LRRC4C: variants seen among roughly 807,000 people sequenced by gnomAD.
The protein encoded by LRRC4C is leucine rich repeat containing 4C.
LRRC4C carries 5 observed loss-of-function variants against 33.6 expected under a neutral mutation model. The observed-to-expected ratio is 0.15, with a 90% CI of 0.08 to 0.31. The LOEUF (loss-of-function observed/expected upper bound fraction) is 0.31. Ranked by LOEUF, LRRC4C falls within the 10% of genes least tolerant of loss-of-function variation. The pLI, the probability that LRRC4C is intolerant of heterozygous loss-of-function variation, is 1.00. For missense variants in LRRC4C, 560 were observed against 796.7 expected, an observed-to-expected ratio of 0.70 and a Z score of 3.58; for synonymous variants, 329 against 302.0, an observed-to-expected ratio of 1.09 and a Z score of -0.93.
intron 1 of LRRC4C, among the ~76,000 whole-genome samples, chr11:41,007,942 C>T (rs1023492222): frequency 1.3e-5 from 2 of 152,076 alleles, no homozygotes; most frequent in Admixed American, 1.3e-4. Flanking sequence ...CATCTTGTTA[C>T]TTAAATCCAA....
At chr11:40,798,062 T>C (rs1327438420) in intron 2 of LRRC4C, among the ~76,000 whole-genome samples, 2 of 152,194 alleles carry the variant, frequency 1.3e-5, no homozygotes, top group Non-Finnish European at 2.9e-5. Flanking sequence ...CTGGCAGCTC[T>C]TTGCTCCTAC....
At chr11:41,286,135 T>A (rs1949822023) in intron 1 of LRRC4C, among the ~76,000 whole-genome samples, 1 of 152,270 alleles carries the variant, frequency 6.6e-6, no homozygotes, top group African/African-American at 2.4e-5. Flanking sequence ...GCCTAGTCAA[T>A]CTCTTTTTAA....
chr11:40,847,614 T>C (rs556112635), intron 2 of LRRC4C, among the ~76,000 whole-genome samples: 10 of 152,154 alleles, frequency 6.6e-5, no homozygotes, highest in Admixed American at 2.6e-4. Context: ...TTTTCTTTCT[T>C]TGTTGTGTCT....
intron 1 of LRRC4C, among the ~76,000 whole-genome samples, chr11:41,301,299 G>A (rs955680596): frequency 2.0e-5 from 3 of 152,156 alleles, no homozygotes; most frequent in African/African-American, 7.2e-5. Context: ...TGAAACGTGT[G>A]CTGAAAAAGA....
intron 4 of LRRC4C, among the ~76,000 whole-genome samples, chr11:40,273,333 C>T (rs150890557): frequency 6.6e-6 from 1 of 152,134 alleles, no homozygotes; most frequent in Non-Finnish European, 1.5e-5. Flanking sequence ...ACTAGTAATG[C>T]TGCAGTGGGA....
intron 1 of LRRC4C, among the ~76,000 whole-genome samples, chr11:41,203,195 C>T (rs1266262010): frequency 2.6e-5 from 4 of 152,106 alleles, no homozygotes; most frequent in Non-Finnish European, 5.9e-5. Flanking sequence ...TTTCTTGAGG[C>T]TAGGAAATAG....
chr11:40,679,904 C>A (rs1425156905), intron 2 of LRRC4C, among the ~76,000 whole-genome samples: 1 of 152,108 alleles, frequency 6.6e-6, no homozygotes, highest in Non-Finnish European at 1.5e-5. Flanking sequence ...ATCCTCCAGA[C>A]CCCGGAATGG....
At chr11:41,041,781 A>T (rs1283300530) in intron 1 of LRRC4C, among the ~76,000 whole-genome samples, 1 of 152,146 alleles carries the variant, frequency 6.6e-6, no homozygotes, top group African/African-American at 2.4e-5. Flanking sequence ...CTTAATATTC[A>T]CACAGCTCAC....
At chr11:41,039,179 A>T (rs770358397) in intron 1 of LRRC4C, among the ~76,000 whole-genome samples, 1 of 152,184 alleles carries the variant, frequency 6.6e-6, no homozygotes, top group African/African-American at 2.4e-5. Context: ...CAGGGGTCGT[A>T]TATAACCTTA....
intron 1 of LRRC4C, among the ~76,000 whole-genome samples, chr11:41,444,601 T>G (rs1401229810): frequency 6.6e-6 from 1 of 152,150 alleles, no homozygotes; most frequent in Non-Finnish European, 1.5e-5. Flanking sequence ...CTTGCAAGCT[T>G]CTAGGTGACA....
chr11:40,844,074 TACAA>T (rs1953039953), intron 2 of LRRC4C, among the ~76,000 whole-genome samples: 1 of 152,148 alleles, frequency 6.6e-6, no homozygotes, highest in Admixed American at 6.6e-5. Context: ...CCTTGAATTT[TACAA>T]ACAGATTAAA....
chr11:41,173,248 C>T (rs1007728280), intron 1 of LRRC4C, among the ~76,000 whole-genome samples: 6 of 152,230 alleles, frequency 3.9e-5, no homozygotes, highest in Middle Eastern at 6.8e-3. Flanking sequence ...TTGTCTAGGA[C>T]TAACCCGCAG....
intron 1 of LRRC4C, among the ~76,000 whole-genome samples, chr11:41,311,416 G>GA (rs549622157): frequency 6.4e-4 from 98 of 152,102 alleles, no homozygotes; most frequent in African/African-American, 2.3e-3. Flanking sequence ...AAGAGTTGGG[G>GA]AAAAAATGAA....
chr11:40,442,434 C>T (rs888926750), intron 3 of LRRC4C, among the ~76,000 whole-genome samples: 2 of 152,094 alleles, frequency 1.3e-5, no homozygotes, highest in Non-Finnish European at 2.9e-5. Context: ...GCAGCAAAAC[C>T]ACTCCAGGTG....
intron 4 of LRRC4C, among the ~76,000 whole-genome samples, chr11:40,276,751 G>T (rs1202226400): frequency 6.7e-6 from 1 of 150,206 alleles, no homozygotes; most frequent in Non-Finnish European, 1.5e-5. Context: ...AAGCCTTTGT[G>T]TCCATAGATT....
rs1281426338 is a variant in LRRC4C at position 40,838,223 on chromosome 11, A to ACCT, written c.-407+95411_-407+95412insAGG. ...TGAAAATGTAAGTGAGAGAGAGAGG[A>ACCT]ATAGGTCCATGTGTTTTTATTTTCT... is the stretch of plus-strand genomic sequence containing the variant. On this transcript the variant is annotated intron_variant, in intron 2 of 6. Transcript: ENST00000528697. Among the ~76,000 whole-genome samples, 1,491 of 152,306 alleles carry ACCT rather than the reference A, an allele frequency of 9.8e-3. 23 individuals carry two copies. The highest frequency in any genetic ancestry group is 0.033 in the African/African-American group (1,359 of 41,566).
intron 1 of LRRC4C, among the ~76,000 whole-genome samples, chr11:41,159,875 G>T (rs1028450626): frequency 6.6e-6 from 1 of 152,036 alleles, no homozygotes; most frequent in African/African-American, 2.4e-5. Context: ...ATACTGCCTT[G>T]TAAGTGCATT....
intron 5 of LRRC4C, among the ~76,000 whole-genome samples, chr11:40,151,996 A>G (rs1165445637): frequency 6.6e-6 from 1 of 152,194 alleles, no homozygotes; most frequent in Non-Finnish European, 1.5e-5. Flanking sequence ...AGCAGCATCC[A>G]GAGGCTTGCA....
intron 3 of LRRC4C, among the ~76,000 whole-genome samples, chr11:40,472,526 C>T (rs1012393270): frequency 1.5e-5 from 2 of 136,976 alleles, no homozygotes; most frequent in African/African-American, 2.7e-5. Flanking sequence ...TTAAAATCAA[C>T]ACCCTAACAT....
Sources: gnomAD v4.1 joint callset for allele counts (sites outside exome capture counted in the v4.1 genomes callset) on GRCh38, gnomAD v4.1.1 for gene constraint, MANE v1.5 for transcripts, NCBI Gene and HGNC (gene_info 2026-07-23, HGNC 2026-07-21) for gene names.